The following SLC5A10 variants were observed in gnomAD, a reference collection of about 807,000 sequenced individuals.
SLC5A10 encodes sodium/mannose cotransporter SLC5A10.
Under a neutral mutation model 68.9 loss-of-function variants are expected in SLC5A10, and 55 were observed. The ratio of observed to expected loss-of-function variants is 0.80; its 90% CI spans 0.64 to 1.00. The LOEUF (loss-of-function observed/expected upper bound fraction) is 1.00, where lower values mean the gene tolerates loss of function less well. SLC5A10 is among the 50% of genes least tolerant of loss of function. The probability of loss-of-function intolerance (pLI) is 0.00; values close to 1 mark genes in which losing one functional copy is unlikely to be tolerated. For synonymous variants in SLC5A10, 344 were observed against 344.8 expected (o/e 1.00, Z 0.02); for missense variants, 732 against 819.3 (o/e 0.89, Z 1.30).
upstream of SLC5A10, chr17:18,951,703 AG>A (rs1369033605): frequency 1.3e-5 from 2 of 153,816 alleles, no homozygotes; most frequent in African/African-American, 2.4e-5. Flanking sequence ...GCCATAATGC[AG>A]GTGTCCCCCT....
At chr17:18,998,836 G>A (rs528892284) in intron 9 of SLC5A10, among the ~76,000 whole-genome samples, 4 of 152,328 alleles carry the variant, frequency 2.6e-5, no homozygotes, top group East Asian at 3.9e-4. Context: ...CTGGCAGTGT[G>A]GGGAGCTGTC....
At chr17:18,984,904 A>T (rs1054919052) in intron 9 of SLC5A10, among the ~76,000 whole-genome samples, 1 of 152,254 alleles carries the variant, frequency 6.6e-6, no homozygotes, top group African/African-American at 2.4e-5. Flanking sequence ...CGGCCAGGGC[A>T]ACCGGCTGAG....
chr17:18,987,423 C>T (rs2043298542), intron 9 of SLC5A10, among the ~76,000 whole-genome samples: 1 of 152,230 alleles, frequency 6.6e-6, no homozygotes, highest in African/African-American at 2.4e-5. Context: ...GCCGTCATCA[C>T]GCACGCTCAT....
intron 5 of SLC5A10, among the ~76,000 whole-genome samples, chr17:18,962,683 G>A (rs191130419): frequency 1.3e-4 from 20 of 152,228 alleles, no homozygotes; most frequent in Admixed American, 1.1e-3. Context: ...GTGGGAGAGT[G>A]ACATGGTCGT....
In SLC5A10 at chr17:19,003,932, G is replaced by A; in HGVS notation, c.983-9478G>A. 6.2e-7 allele frequency: 1 copy of A among 1,612,934 alleles called. No individual in the cohort carries two copies. Among genetic ancestry groups the A allele is most frequent in the South Asian group, 1.1e-5 (1 of 91,080 alleles). Reference sequence around the variant, plus strand: ...GGCGTCCCGGCCGCGGGCCACCAGGGCCTCCAGCGCCAGCCGCTGCTCCTC... The same window carrying A: ...GGCGTCCCGGCCGCGGGCCACCAGGACCTCCAGCGCCAGCCGCTGCTCCTC... On this transcript the variant is annotated intron_variant, in intron 9 of 14. Coordinates refer to ENST00000395645, the MANE Select transcript of SLC5A10 (RefSeq NM_001042450.4). This position sits in a 1 kb window ranked among gnomAD's most constrained non-coding sequence, Gnocchi z 4.5.
chr17:19,013,226 A>AT, intron 9 of SLC5A10, 184 bp from the exon 10 acceptor site: 3 of 881,008 alleles, frequency 3.4e-6, no homozygotes, highest in Non-Finnish European at 5.0e-6. Context: ...AGGGAAAAGG[A>AT]TTTTCAGAGG....
intron 9 of SLC5A10, among the ~76,000 whole-genome samples, chr17:18,986,879 A>G (rs2043282851): frequency 6.6e-6 from 1 of 152,222 alleles, no homozygotes; most frequent in South Asian, 2.1e-4. Flanking sequence ...GCCTTTCCAC[A>G]CTGGCTCTCT....
At chr17:19,019,214 G>T in intron 11 of SLC5A10, 1 of 598,402 alleles carries the variant, frequency 1.7e-6, no homozygotes, top group Non-Finnish European at 2.9e-6. Flanking sequence ...GTCAGGAGCT[G>T]CACCTGCAGG....
intron 3 of SLC5A10, 124 bp downstream of exon 3, chr17:18,959,363 T>C: frequency 9.6e-7 from 1 of 1,045,266 alleles, no homozygotes; most frequent in Non-Finnish European, 1.4e-6. Context: ...TGTGCAGTGC[T>C]GTTCCTGGGC....
intron 5 of SLC5A10, among the ~76,000 whole-genome samples, chr17:18,961,406 C>A (rs1398828771): frequency 6.6e-6 from 1 of 152,184 alleles, no homozygotes; most frequent in African/African-American, 2.4e-5. Flanking sequence ...CTGCGACCTC[C>A]GAGCCTCCCT....
At chr17:18,990,691 C>A (rs1222283679) in intron 9 of SLC5A10, among the ~76,000 whole-genome samples, 16 of 152,232 alleles carry the variant, frequency 1.1e-4, no homozygotes, top group Non-Finnish European at 1.5e-5. Context: ...AAATGGATCC[C>A]CCCACAGTCC....
chr17:19,021,673 G>T lies in SLC5A10; in HGVS notation c.*1242G>T, dbSNP rs188114963. On this transcript the variant is annotated 3_prime_UTR_variant, in exon 15 of 15. Coordinates refer to ENST00000395645, the MANE Select transcript of SLC5A10 (RefSeq NM_001042450.4). This position sits in a 1 kb window ranked among gnomAD's most constrained non-coding sequence, Gnocchi z 4.1. Reference sequence around the variant, plus strand: ...CAGATGGGGCCATTGACAAGAGGAGGTGGGCGGGGCCTCCACAGACTCCGC... The same window carrying T: ...CAGATGGGGCCATTGACAAGAGGAGTTGGGCGGGGCCTCCACAGACTCCGC... The T allele has an allele frequency of 8.0e-5, 32 of 398,088 alleles. No individual in the cohort carries two copies. Among genetic ancestry groups the T allele is most frequent in the African/African-American group, 5.7e-4 (28 of 48,742 alleles). The allele number at this position is 398,088 out of a possible 1,614,324, so 24.7% of individuals were successfully genotyped here.
intron 8 of SLC5A10, among the ~76,000 whole-genome samples, chr17:18,973,625 C>G (rs989298081): frequency 6.6e-6 from 1 of 152,306 alleles, no homozygotes; most frequent in African/African-American, 2.4e-5. Flanking sequence ...TGCTCTGTGG[C>G]CAGGGTAGCC....
At chr17:18,975,456 G>A (rs1413449039) in intron 8 of SLC5A10, among the ~76,000 whole-genome samples, 1 of 152,176 alleles carries the variant, frequency 6.6e-6, no homozygotes, top group Non-Finnish European at 1.5e-5. Context: ...TTGGGAGGCC[G>A]AGGCGGGCAG....
chr17:19,005,278 C>T (rs777763246), intron 9 of SLC5A10, among the ~76,000 whole-genome samples: 89 of 152,190 alleles, frequency 5.8e-4, no homozygotes, highest in African/African-American at 2.1e-3. Context: ...GAGGGGTCCC[C>T]GGACTGCTTC....
At chr17:18,950,832 C>T (rs1469908786), upstream of SLC5A10, 1 of 296,522 alleles carries the variant, frequency 3.4e-6, no homozygotes, top group Non-Finnish European at 5.0e-6. Flanking sequence ...TCTCCTGCCT[C>T]AGCCTCCCAA....
chr17:19,016,025 G>A (rs2044132280), intron 11 of SLC5A10, among the ~76,000 whole-genome samples: 2 of 151,846 alleles, frequency 1.3e-5, no homozygotes, highest in African/African-American at 2.4e-5. Flanking sequence ...CGTTTCCCCT[G>A]AGTCCTCAAA....
chr17:18,971,459 G>T lies in SLC5A10; in HGVS notation c.846+241G>T. Reference sequence around the variant, plus strand: ...CCTGGCCTTTAGGTGCTTCGACTGAGACAGTTTGGAGTATGGGATTCCGAA... The same window carrying T: ...CCTGGCCTTTAGGTGCTTCGACTGATACAGTTTGGAGTATGGGATTCCGAA... On this transcript the variant is annotated intron_variant, in intron 8 of 14. Transcript: ENST00000395645. The surrounding 1 kb of genome is among the most constrained non-coding windows in gnomAD (Gnocchi z 5.5). 6.2e-7 allele frequency: 1 copy of T among 1,613,988 alleles called. No individual in the cohort carries two copies.
At chr17:18,976,589 A>G in intron 8 of SLC5A10, 1 of 456,602 alleles carries the variant, frequency 2.2e-6, no homozygotes, top group Non-Finnish European at 3.9e-6. Flanking sequence ...GCTGGGCAGG[A>G]TCCACACCTC....
Sources: allele counts gnomAD v4.1 joint callset (sites outside exome capture counted in the v4.1 genomes callset), GRCh38; gene constraint gnomAD v4.1.1; non-coding constraint Gnocchi (gnomAD v3.1); transcripts MANE v1.5; gene names NCBI Gene and HGNC (gene_info 2026-07-23, HGNC 2026-07-21).